Variants in ZNF827 observed in about 807,000 individuals in gnomAD.
ZNF827 encodes zinc finger protein 827.
Under a neutral mutation model 102.4 loss-of-function variants are expected in ZNF827, and 13 were observed. The observed-to-expected ratio is 0.13, with a 90% CI of 0.08 to 0.20. ZNF827 has a LOEUF of 0.20. Ranked by LOEUF, ZNF827 falls within the 10% of genes least tolerant of loss-of-function variation. The pLI is 1.00. For synonymous variants in ZNF827, 523 were observed against 536.2 expected (o/e 0.98, Z 0.34); for missense variants, 1,103 against 1,344.4 (o/e 0.82, Z 2.81).
At chr4:145,783,228 A>G (rs1334230064) in intron 8 of ZNF827, among the ~76,000 whole-genome samples, 1 of 152,198 alleles carries the variant, frequency 6.6e-6, no homozygotes, top group East Asian at 1.9e-4. Flanking sequence ...GCTACATAAG[A>G]GGTGCTTAGT....
At position 145,920,719 on chromosome 4, in the gene ZNF827, T is replaced by C. The variant is rs183566524; in HGVS notation, c.44-17504A>G. ...CAGTCTTAACTTCTTTGTTTATTCA[T>C]TCAGCAGTGTTTATGAAACACCTAT... On this transcript the variant is annotated intron_variant, in intron 1 of 14. Transcript: ENST00000508784. Among the ~76,000 whole-genome samples the C allele has an allele frequency of 7.9e-5, 12 of 152,370 alleles. No homozygotes were observed. In the East Asian group the frequency reaches 2.3e-3, roughly 29 times the overall value.
At chr4:145,822,784 T>C (rs545318835) in intron 8 of ZNF827, among the ~76,000 whole-genome samples, 2 of 152,270 alleles carry the variant, frequency 1.3e-5, no homozygotes, top group Non-Finnish European at 2.9e-5. Context: ...CCCTCCAGGA[T>C]GGCCATGCTG....
In ZNF827 at chr4:145,825,656, T is replaced by A. The variant is rs146588721; in HGVS notation, c.2280-2131A>T. On this transcript the variant is annotated intron_variant, in intron 7 of 14. Transcript: ENST00000508784. Reference sequence around the variant, plus strand: ...GAGCAGAGGCTGCTGTGCTATGTGCTGGAAGTAGTCTTCTGGGTCTTGCTA... The same window carrying A: ...GAGCAGAGGCTGCTGTGCTATGTGCAGGAAGTAGTCTTCTGGGTCTTGCTA... Among the ~76,000 whole-genome samples the A allele has an allele frequency of 1.9e-3, 294 of 152,272 alleles. 1 individual carries two copies. The highest frequency in any genetic ancestry group is 6.7e-3 in the African/African-American group (278 of 41,548).
At position 145,860,914 on chromosome 4, in the gene ZNF827, G is replaced by C. The variant is rs75454929; in HGVS notation, c.1981+9331C>G. The stretch of plus-strand genomic sequence containing the variant: ...AAATTTCTATTCTTGGGCTAATATG[G>C]ACACTCCCCTGCCCAATGGAAAGGG... On this transcript the variant is annotated intron_variant, in intron 5 of 14. Transcript: ENST00000508784. Among the ~76,000 whole-genome samples the C allele has an allele frequency of 1.9e-3, 282 of 152,280 alleles. 2 individuals are homozygous for C. The East Asian group carries it at 0.039, about 21-fold the overall frequency.
intron 7 of ZNF827, among the ~76,000 whole-genome samples, chr4:145,836,055 C>T (rs1020240719): frequency 6.6e-6 from 1 of 151,886 alleles, no homozygotes; most frequent in Admixed American, 6.6e-5. Flanking sequence ...TTCGCTTTCA[C>T]TTGGACTGAC....
rs1343670449 is a variant in ZNF827, at chr4:145,761,375, C to T, written c.*241G>A. The T allele has an allele frequency of 1.6e-6, 2 of 1,289,912 alleles. No individual in the cohort carries two copies. The highest frequency in any genetic ancestry group is 1.5e-5 in the African/African-American group (1 of 65,978). 79.9% of individuals were successfully genotyped at this position (1,289,912 alleles called of 1,614,324 possible). On this transcript the variant is annotated 3_prime_UTR_variant, in exon 15 of 15. Transcript: ENST00000508784. The surrounding 1 kb of genome is among the most constrained non-coding windows in gnomAD (Gnocchi z 6.8). ...TGGAAGGGCCGCTCCCCGGTGTGGA[C>T]GCGCACGTGCTCGATGAGCTTGTTG... is the stretch of plus-strand genomic sequence containing the variant.
Position 145,766,270 on chromosome 4 carries a change from G to C in ZNF827, c.2861-532C>G, listed in dbSNP as rs565908471. Among the ~76,000 whole-genome samples the C allele has an allele frequency of 5.9e-5, 9 of 152,246 alleles. No individual in the cohort carries two copies. In the South Asian group the frequency reaches 1.9e-3, roughly 32 times the overall value. On this transcript the variant is annotated intron_variant, in intron 11 of 14. Transcript: ENST00000508784. ...CTCAAAGCCAGATACAAACAAGTCA[G>C]CAGACCATTAAAATCTAGTGTCAGA...
intron 5 of ZNF827, among the ~76,000 whole-genome samples, chr4:145,858,473 A>G (rs1422655142): frequency 6.6e-6 from 1 of 151,882 alleles, no homozygotes; most frequent in Non-Finnish European, 1.5e-5. Flanking sequence ...CAGTCTCTAC[A>G]AAAGATAAAA....
intron 1 of ZNF827, among the ~76,000 whole-genome samples, chr4:145,921,120 A>C (rs1370126822): frequency 6.6e-6 from 1 of 152,206 alleles, no homozygotes; most frequent in Non-Finnish European, 1.5e-5. Flanking sequence ...TTGCAGGCTA[A>C]GTAGGAGGTT....
intron 8 of ZNF827, among the ~76,000 whole-genome samples, chr4:145,814,418 G>T (rs1313580087): frequency 6.6e-6 from 1 of 152,104 alleles, no homozygotes; most frequent in Non-Finnish European, 1.5e-5. Context: ...ACTGATGACT[G>T]GCTGCATACA....
chr4:145,779,658 C>G, intron 8 of ZNF827, 147 bp from the exon 9 acceptor site: 1 of 1,150,400 alleles, frequency 8.7e-7, no homozygotes, highest in South Asian at 1.6e-5. Context: ...TTTTCCTGCT[C>G]ATTTCCTGTC....
At chr4:145,835,001 C>T (rs1387614438) in intron 7 of ZNF827, 1 of 152,246 alleles carries the variant, frequency 6.6e-6, no homozygotes, top group East Asian at 1.9e-4. Flanking sequence ...GAACCTCCTC[C>T]CACAGGAGCT....
intron 11 of ZNF827, among the ~76,000 whole-genome samples, chr4:145,769,263 A>G (rs1735887214): frequency 6.6e-6 from 1 of 152,064 alleles, no homozygotes; most frequent in Admixed American, 6.6e-5. Flanking sequence ...CTCTTGGTAC[A>G]AGAAAGCTAT....
At chr4:145,836,106 T>C (rs954607101) in intron 7 of ZNF827, among the ~76,000 whole-genome samples, 1 of 152,110 alleles carries the variant, frequency 6.6e-6, no homozygotes, top group Non-Finnish European at 1.5e-5. Flanking sequence ...TAGGCTGTAC[T>C]GCCGCAAAGC....
At chr4:145,887,144 T>C (rs991064755) in intron 3 of ZNF827, among the ~76,000 whole-genome samples, 4 of 151,968 alleles carry the variant, frequency 2.6e-5, no homozygotes, top group Non-Finnish European at 5.9e-5. Context: ...GCCAAATGAT[T>C]TGGGGAGCTG....
chr4:145,874,813 GC>G (rs1749012814), intron 4 of ZNF827, among the ~76,000 whole-genome samples: 1 of 152,156 alleles, frequency 6.6e-6, no homozygotes. Context: ...TGATGAGAAA[GC>G]CCTTGGTAAT....
At chr4:145,926,998 G>A (rs1023311187) in intron 1 of ZNF827, among the ~76,000 whole-genome samples, 10 of 151,854 alleles carry the variant, frequency 6.6e-5, no homozygotes, top group Non-Finnish European at 1.3e-4. Flanking sequence ...ACTTTCTTAA[G>A]GTCAGATTAA....
At chr4:145,807,376 G>A (rs1463456846) in intron 8 of ZNF827, among the ~76,000 whole-genome samples, 1 of 152,072 alleles carries the variant, frequency 6.6e-6, no homozygotes, top group Non-Finnish European at 1.5e-5. Context: ...ACTAGAAGAA[G>A]AGAGACAAGG....
At chr4:145,777,524 TTC>T (rs988507798) in intron 9 of ZNF827, among the ~76,000 whole-genome samples, 1 of 152,218 alleles carries the variant, frequency 6.6e-6, no homozygotes, top group Non-Finnish European at 1.5e-5. Flanking sequence ...ATTTTAGTCA[TTC>T]TGTTTAAATG....
Sources: allele counts gnomAD v4.1 joint callset (sites outside exome capture counted in the v4.1 genomes callset), GRCh38; gene constraint gnomAD v4.1.1; non-coding constraint Gnocchi (gnomAD v3.1); transcripts MANE v1.5; gene names NCBI Gene and HGNC (gene_info 2026-07-23, HGNC 2026-07-21).